The following CLCN7 variants were observed in gnomAD, a reference collection of about 807,000 sequenced individuals.
CLCN7 encodes Cl-/H+ antiporter 7, also known as H(+)/Cl(-) exchange transporter 7.
A neutral mutation model predicts 102.1 loss-of-function variants in CLCN7; 60 were observed. The observed-to-expected ratio is 0.59, with a 90% CI of 0.48 to 0.73. CLCN7 has a LOEUF of 0.73. Among genes scored for constraint, CLCN7 ranks in the 30% least tolerant of loss-of-function variants. CLCN7 has a pLI of 0.00. For synonymous variants in CLCN7, 560 were observed against 490.5 expected, an observed-to-expected ratio of 1.14 and a Z score of -1.87; for missense variants, 962 against 1,125.7, an observed-to-expected ratio of 0.85 and a Z score of 2.08.
intron 16 of CLCN7, among the ~76,000 whole-genome samples, chr16:1,451,239 G>C (rs1025084626): frequency 3.9e-5 from 6 of 152,176 alleles, no homozygotes; most frequent in African/African-American, 1.4e-4. Flanking sequence ...AGAGGGTCTC[G>C]CTGTGTCACC....
At chr16:1,472,044 G>A (rs1406147410) in intron 1 of CLCN7, 1 of 152,302 alleles carries the variant, frequency 6.6e-6, no homozygotes, top group Non-Finnish European at 1.5e-5. Context: ...CTGCCCCAGG[G>A]GCCCTGCAGA....
chr16:1,464,699 T>C (rs1215737418), intron 2 of CLCN7, among the ~76,000 whole-genome samples: 1 of 152,058 alleles, frequency 6.6e-6, no homozygotes, highest in Admixed American at 6.6e-5. Flanking sequence ...GTTGCCAACA[T>C]CAGGATCATC....
chr16:1,474,125 C>G (rs1356690564), intron 1 of CLCN7: 2 of 455,470 alleles, frequency 4.4e-6, no homozygotes, highest in Admixed American at 2.4e-5. Context: ...GACAGGGAAA[C>G]AAATGTACCC....
rs1567264383 is a variant in CLCN7, at chr16:1,448,680, C to A, written c.1883+1G>T. 1.2e-6 allele frequency: 2 copies of A among 1,612,646 alleles called. No individual in the cohort carries two copies. The highest frequency in any genetic ancestry group is 1.7e-6 in the Non-Finnish European group (2 of 1,179,962). On this transcript the variant is annotated splice_donor_variant, in intron 20 of 24. Coordinates refer to ENST00000382745, the MANE Select transcript of CLCN7 (RefSeq NM_001287.6). LOFTEE classifies it high-confidence loss of function. ...ACCCACAGGTGTCCTGGGCGCTGTA[C>A]CTGGCAGTGAGTGAGTGTGAGGTGA...
intron 1 of CLCN7, among the ~76,000 whole-genome samples, chr16:1,465,583 G>A (rs1309648550): frequency 2.0e-5 from 3 of 152,202 alleles, no homozygotes; most frequent in Non-Finnish European, 2.9e-5. Context: ...AGTCCAGGGC[G>A]CAAGCTCCCT....
chr16:1,447,115 C>G, intron 23 of CLCN7, 29 bp from the exon 24 acceptor site: 1 of 1,570,316 alleles, frequency 6.4e-7, no homozygotes. Context: ...TGTCAGTGCC[C>G]GCCCACACAG....
Position 1,460,831 on chromosome 16 carries a change from T to G in CLCN7, c.469A>C (p.Arg157=). 1 of 1,614,036 alleles carries G rather than the reference T, an allele frequency of 6.2e-7. No homozygotes were observed. The highest frequency in any genetic ancestry group is 8.5e-7 in the Non-Finnish European group (1 of 1,179,938). Residue 157 remains arginine (R), a synonymous_variant, in exon 5 of 25, where the codon AGG becomes CGG. Coordinates refer to ENST00000382745, the MANE Select transcript of CLCN7 (RefSeq NM_001287.6). ...VVENLAGLKY[R]VIKGNIDKFT... ...GGAAGGATACTGCCCTTGATGACCCTGTACTTGAGGCCAGCCAGGTTTTCC... is the reference window on the plus strand; with the variant it reads ...GGAAGGATACTGCCCTTGATGACCCGGTACTTGAGGCCAGCCAGGTTTTCC...
chr16:1,449,545 G>A, intron 17 of CLCN7: 1 of 605,632 alleles, frequency 1.7e-6, no homozygotes, highest in Non-Finnish European at 3.0e-6. Flanking sequence ...GAGCAACAGG[G>A]GAGTGGCAGG....
chr16:1,453,645 G>A (rs1420512502), intron 14 of CLCN7, among the ~76,000 whole-genome samples, 189 bp downstream of exon 14: 1 of 152,194 alleles, frequency 6.6e-6, no homozygotes, highest in Non-Finnish European at 1.5e-5. Context: ...GGGCTAGTCC[G>A]TCACCCTCCA....
At chr16:1,462,887 G>T (rs766213343) in intron 2 of CLCN7, among the ~76,000 whole-genome samples, 1 of 152,076 alleles carries the variant, frequency 6.6e-6, no homozygotes, top group African/African-American at 2.4e-5. Context: ...TGGGCCGGGC[G>T]CAATGGCTGA....
At chr16:1,455,866 C>A (rs79658155) in intron 10 of CLCN7, 71 bp from the exon 11 acceptor site, 13 of 1,527,394 alleles carry the variant, frequency 8.5e-6, no homozygotes, top group African/African-American at 1.4e-5. Context: ...ACTCCCTCCC[C>A]CAGGCTCCAG....
intron 16 of CLCN7, among the ~76,000 whole-genome samples, chr16:1,451,133 C>G (rs1271135548): frequency 6.6e-6 from 1 of 152,242 alleles, no homozygotes; most frequent in South Asian, 2.1e-4. Context: ...TCCAAGGTCG[C>G]GGTCTGCGCT....
At chr16:1,448,514 G>A (rs768752396) in intron 20 of CLCN7, 30 bp from the exon 21 acceptor site, 14 of 1,605,902 alleles carry the variant, frequency 8.7e-6, no homozygotes, top group South Asian at 7.7e-5. Flanking sequence ...ACACATGCCC[G>A]TCACACGCCA....
intron 1 of CLCN7, chr16:1,474,188 T>G (rs957722945): frequency 5.9e-5 from 27 of 456,012 alleles, no homozygotes; most frequent in African/African-American, 4.2e-4. Context: ...CAGGGTGACA[T>G]GCGGAACGCA....
At chr16:1,474,729 G>A (rs1446954368) in intron 1 of CLCN7, 105 bp downstream of exon 1, 2 of 1,014,416 alleles carry the variant, frequency 2.0e-6, no homozygotes, top group East Asian at 4.1e-5. Context: ...CGCCTCGGTC[G>A]CCTCCAGGAC....
intron 1 of CLCN7, among the ~76,000 whole-genome samples, chr16:1,469,195 G>C (rs1000716923): frequency 3.3e-5 from 5 of 152,058 alleles, no homozygotes; most frequent in African/African-American, 1.2e-4. Context: ...AACAGAGCAA[G>C]ACCCTGTCTC....
intron 13 of CLCN7, 76 bp downstream of exon 13, chr16:1,454,335 G>A (rs1567268207): frequency 1.3e-6 from 2 of 1,484,850 alleles, no homozygotes; most frequent in South Asian, 2.3e-5. Flanking sequence ...ACAGCCTCCA[G>A]TCCTCGTCTC....
Position 1,460,698 on chromosome 16 carries a change from A to G in CLCN7, c.484+118T>C, listed in dbSNP as rs2038921150. 2.2e-5 allele frequency: 33 copies of G among 1,498,362 alleles called. 1 individual carries two copies. The South Asian group carries it at 3.7e-4, about 17-fold the overall frequency. The allele number at this position is 1,498,362 out of a possible 1,614,324, so 92.8% of individuals were successfully genotyped here. A position where few individuals can be genotyped will look rare whatever the true frequency, so the allele number is the denominator to read the frequency against. On this transcript the variant is annotated intron_variant, in intron 5 of 24. Coordinates refer to ENST00000382745, the MANE Select transcript of CLCN7 (RefSeq NM_001287.6). The stretch of plus-strand genomic sequence containing the variant: ...GCCCAACCATGACAGGGACACAGCC[A>G]GCCTGGCCGGGCCGCCTCCACCTGC...
rs957303263 is a variant in CLCN7 at position 1,457,967 on chromosome 16, T to A, written c.676-211A>T. Among the ~76,000 whole-genome samples the A allele has an allele frequency of 6.6e-6, 1 of 152,212 alleles. No homozygotes were observed. Among genetic ancestry groups the A allele is most frequent in the Non-Finnish European group, 1.5e-5 (1 of 68,020 alleles). On this transcript the variant is annotated intron_variant, in intron 7 of 24. Coordinates refer to ENST00000382745, the MANE Select transcript of CLCN7 (RefSeq NM_001287.6). This position sits in a 1 kb window ranked among gnomAD's most constrained non-coding sequence, Gnocchi z 5.4. ...GTCCCCCGCACTCACTCGGGGGACC[T>A]GCCCTCTGTGGCCTCAGCACTGAGC...
Sources: gnomAD v4.1 joint callset for allele counts (sites outside exome capture counted in the v4.1 genomes callset) on GRCh38, gnomAD v4.1.1 for gene constraint, Gnocchi (gnomAD v3.1) non-coding constraint, MANE v1.5 for transcripts, NCBI Gene and HGNC (gene_info 2026-07-23, HGNC 2026-07-21) for gene names.